Variants in PRH1 observed in about 807,000 individuals in gnomAD.
The protein encoded by PRH1 is salivary acidic proline-rich phosphoprotein 1/2.
A neutral mutation model predicts 7.9 loss-of-function variants in PRH1; 7 were observed. That is an observed-to-expected ratio of 0.89 (90% CI 0.50 to 1.67). The LOEUF (loss-of-function observed/expected upper bound fraction) is 1.67. PRH1 is among the 40% of genes most tolerant of loss of function. The probability of loss-of-function intolerance (pLI) is 0.00; values close to 1 mark genes in which losing one functional copy is unlikely to be tolerated. For synonymous variants in PRH1, 45 were observed against 80.8 expected, an observed-to-expected ratio of 0.56 and a Z score of 2.38; for missense variants, 109 against 223.6, an observed-to-expected ratio of 0.49 and a Z score of 3.27.
chr12:10,924,320 A>G (rs1439075580), intron 2 of PRH1, among the ~76,000 whole-genome samples: 1 of 152,158 alleles, frequency 6.6e-6, no homozygotes, highest in Non-Finnish European at 1.5e-5. Flanking sequence ...TTCTATTTTT[A>G]TATAACAAAT....
chr12:10,964,560 T>C (rs11054092), intron 2 of PRH1: 91,627 of 309,130 alleles, frequency 0.3, 14,569 homozygotes, highest in Non-Finnish European at 0.32. Context: ...GTAGTTTGGC[T>C]GAGCATGAGG....
At chr12:10,923,663 AC>A (rs1269395241) in intron 2 of PRH1, among the ~76,000 whole-genome samples, 2 of 152,246 alleles carry the variant, frequency 1.3e-5, no homozygotes, top group East Asian at 3.8e-4. Context: ...TCTATCACCA[AC>A]AAATGATAGG....
chr12:11,061,613 A>T (rs2708380), intron 1 of PRH1: 743,267 of 1,599,916 alleles, frequency 0.46, 173,657 homozygotes, highest in Non-Finnish European at 0.5. Flanking sequence ...ACAGTTTGCA[A>T]AGCTTTTATG....
chr12:11,099,045 T>C (rs1945149424), intron 1 of PRH1, among the ~76,000 whole-genome samples: 1 of 152,120 alleles, frequency 6.6e-6, no homozygotes, highest in African/African-American at 2.4e-5. Context: ...AAATATTTAT[T>C]ATTATATAAA....
intron 1 of PRH1, among the ~76,000 whole-genome samples, chr12:11,167,503 G>A (rs570713012): frequency 6.7e-6 from 1 of 149,410 alleles, no homozygotes; most frequent in Admixed American, 6.7e-5. Context: ...GGAGTGCAGT[G>A]GCCCCATCTC....
At chr12:11,029,390 A>G (rs1215804715) in intron 1 of PRH1, among the ~76,000 whole-genome samples, 2 of 152,180 alleles carry the variant, frequency 1.3e-5, no homozygotes, top group African/African-American at 4.8e-5. Flanking sequence ...AAAAAGTTTG[A>G]CTGAAATATT....
intron 1 of PRH1, chr12:10,986,747 T>A (rs1254365868): frequency 1.2e-6 from 2 of 1,612,340 alleles, no homozygotes; most frequent in African/African-American, 2.7e-5. Flanking sequence ...AGATCTTTTT[T>A]CTCTTCACCC....
At chr12:10,965,868 A>G (rs1290820854) in intron 2 of PRH1, among the ~76,000 whole-genome samples, 1 of 152,214 alleles carries the variant, frequency 6.6e-6, no homozygotes, top group African/African-American at 2.4e-5. Flanking sequence ...ATTTAAATAG[A>G]CAAAATCCAA....
intron 1 of PRH1, among the ~76,000 whole-genome samples, chr12:11,011,291 T>C (rs1286550133): frequency 6.6e-6 from 1 of 152,068 alleles, no homozygotes; most frequent in Non-Finnish European, 1.5e-5. Flanking sequence ...TTTTTCCTTT[T>C]ACATTCTCTG....
chr12:10,907,148 A>C (rs1221380268), intron 2 of PRH1, among the ~76,000 whole-genome samples: 1 of 152,198 alleles, frequency 6.6e-6, no homozygotes, highest in Non-Finnish European at 1.5e-5. Context: ...TGCTGGCAAT[A>C]GTATGAAATG....
Position 11,134,134 on chromosome 12 carries a change from C to G in PRH1, n.40-12954G>C, listed in dbSNP as rs775672335. On this transcript the variant is annotated intron_variant and non_coding_transcript_variant, in intron 1 of 1. Transcript: ENST00000541175. ...GGTCAACAAAGGAGATCTTTTGTCT[C>G]TTGACCCACTCAATGGAATTTACCA... 12 of 1,614,150 alleles carry G rather than the reference C, an allele frequency of 7.4e-6. No homozygotes were observed. In the South Asian group the frequency reaches 1.3e-4, roughly 18 times the overall value.
intron 2 of PRH1, chr12:10,939,352 G>A: frequency 1.8e-6 from 1 of 550,220 alleles, no homozygotes; most frequent in Non-Finnish European, 3.1e-6. Context: ...CAACCATCCA[G>A]ATTTGCTAAT....
intron 2 of PRH1, among the ~76,000 whole-genome samples, chr12:10,925,180 C>A (rs1317916870): frequency 1.3e-5 from 2 of 152,198 alleles, no homozygotes; most frequent in African/African-American, 2.4e-5. Context: ...TCCAACCTCA[C>A]CCTTTTGTGT....
Position 10,908,063 on chromosome 12 carries a change from G to C in PRH1, c.-58-23788C>G, listed in dbSNP as rs141868594. ...TCAATGAATGATTTAGAATTGAAGA[G>C]CCATTGCCAAACAAAAGATTGTAGA... On this transcript the variant is annotated intron_variant, in intron 2 of 3. Transcript: ENST00000539853. 9.3e-5 allele frequency: 23 copies of C among 247,012 alleles called. No individual in the cohort carries two copies. The South Asian group carries it at 2.9e-3, about 31-fold the overall frequency. The allele number at this position is 247,012 out of a possible 1,614,324, so 15.3% of individuals were successfully genotyped here.
intron 1 of PRH1, among the ~76,000 whole-genome samples, chr12:11,081,047 T>G (rs1276476597): frequency 8.5e-6 from 1 of 117,746 alleles, no homozygotes; most frequent in Non-Finnish European, 2.0e-5. Flanking sequence ...GCATACATTT[T>G]ATCACTTTTG....
chr12:10,997,647 T>G (rs1940352246), intron 1 of PRH1: 2 of 1,613,602 alleles, frequency 1.2e-6, no homozygotes, highest in Non-Finnish European at 8.5e-7. Flanking sequence ...ACTTTTAAAT[T>G]AGATGAAGTT....
At chr12:10,903,952 A>AAAAC (rs1421438864) in intron 2 of PRH1, among the ~76,000 whole-genome samples, 6 of 144,800 alleles carry the variant, frequency 4.1e-5, no homozygotes, top group African/African-American at 1.5e-4. Context: ...AAAAAAAAAA[A>AAAAC]AACAACTAGG....
intron 2 of PRH1, among the ~76,000 whole-genome samples, chr12:10,959,537 A>C (rs1327795913): frequency 6.6e-6 from 1 of 152,174 alleles, no homozygotes; most frequent in Non-Finnish European, 1.5e-5. Context: ...ATCATAGAGA[A>C]AAAAACTTAA....
intron 1 of PRH1, among the ~76,000 whole-genome samples, chr12:11,149,825 T>G (rs1947005349): frequency 7.6e-6 from 1 of 132,254 alleles, no homozygotes; most frequent in African/African-American, 2.7e-5. Context: ...AAATGGGATC[T>G]CATTAAACTC....
Sources: allele counts gnomAD v4.1 joint callset (sites outside exome capture counted in the v4.1 genomes callset), GRCh38; gene constraint gnomAD v4.1.1; transcripts MANE v1.5; gene names NCBI Gene and HGNC (gene_info 2026-07-23, HGNC 2026-07-21).